The following LRP1B variants were observed in gnomAD, a reference collection of about 807,000 sequenced individuals.
The protein encoded by LRP1B is low-density lipoprotein receptor-related protein 1B.
In LRP1B, 217 loss-of-function variants were observed where a neutral mutation model predicts 556.6. The ratio of observed to expected loss-of-function variants is 0.39; its 90% CI spans 0.35 to 0.44. The LOEUF (loss-of-function observed/expected upper bound fraction) is 0.44. Among genes scored for constraint, LRP1B ranks in the 20% least tolerant of loss-of-function variants. The pLI is 1.00. For missense variants in LRP1B, 5,053 were observed against 5,620.8 expected (o/e 0.90, Z 3.23); for synonymous variants, 2,047 against 1,865.8 (o/e 1.10, Z -2.50).
chr2:141,525,476 G>A (rs1313829002), intron 2 of LRP1B, among the ~76,000 whole-genome samples: 8 of 151,906 alleles, frequency 5.3e-5, no homozygotes, highest in Non-Finnish European at 2.9e-5. Context: ...ATTACCAACA[G>A]AAAGCAACTT....
At chr2:140,927,872 A>G (rs1336415160) in intron 20 of LRP1B, among the ~76,000 whole-genome samples, 3 of 150,338 alleles carry the variant, frequency 2.0e-5, no homozygotes, top group Non-Finnish European at 4.4e-5. Flanking sequence ...ATGCCCGGCT[A>G]TTCATTTATT....
At chr2:140,699,380 T>G (rs1478573552) in intron 41 of LRP1B, among the ~76,000 whole-genome samples, 5 of 152,140 alleles carry the variant, frequency 3.3e-5, no homozygotes, top group African/African-American at 9.6e-5. Flanking sequence ...CTTAAAATTC[T>G]AGGGCATGTC....
chr2:140,252,085 AAAAACCCAAAAAAC>A (rs1681455476), intron 86 of LRP1B, among the ~76,000 whole-genome samples: 1 of 140,024 alleles, frequency 7.1e-6, no homozygotes, highest in South Asian at 2.2e-4. Context: ...AAAAAAAAAA[AAAAACCCAAAAAAC>A]AAAAAAAAAC....
intron 2 of LRP1B, among the ~76,000 whole-genome samples, chr2:141,798,621 C>A (rs977598106): frequency 9.4e-5 from 13 of 138,956 alleles, no homozygotes; most frequent in African/African-American, 3.0e-4. Context: ...GCAGGAGGAT[C>A]ACTTGAACAC....
intron 2 of LRP1B, among the ~76,000 whole-genome samples, chr2:141,708,303 T>C (rs16846918): frequency 0.11 from 16,752 of 151,860 alleles, 1,560 homozygotes; most frequent in African/African-American, 0.24. Flanking sequence ...ATCAAAGGGG[T>C]GATAGAACAA....
chr2:140,285,878 T>C (rs1051328428), intron 84 of LRP1B, among the ~76,000 whole-genome samples: 1 of 151,744 alleles, frequency 6.6e-6, no homozygotes, highest in South Asian at 2.1e-4. Flanking sequence ...TACATGAAGA[T>C]AGTGCAGTGA....
At chr2:141,899,087 A>T (rs1220187083) in intron 1 of LRP1B, among the ~76,000 whole-genome samples, 2 of 152,138 alleles carry the variant, frequency 1.3e-5, no homozygotes, top group African/African-American at 4.8e-5. Context: ...CCTTCTCAAC[A>T]ATATTGATGC....
At chr2:141,762,308 G>A (rs141103332) in intron 2 of LRP1B, among the ~76,000 whole-genome samples, 7 of 151,956 alleles carry the variant, frequency 4.6e-5, no homozygotes, top group South Asian at 4.2e-4. Context: ...ATGATGCCAC[G>A]GGAGAAGATG....
chr2:141,044,006 C>T (rs1218362463), intron 11 of LRP1B, among the ~76,000 whole-genome samples: 2 of 151,960 alleles, frequency 1.3e-5, no homozygotes, highest in Non-Finnish European at 2.9e-5. Context: ...ATCACACTAC[C>T]TGACTTCAAA....
Position 141,250,904 on chromosome 2 carries a change from C to T in LRP1B, c.464-3550G>A, listed in dbSNP as rs190060902. ...AACTGGCATGTTAAAAAATCCCCAG[C>T]GGAGGGGTAACATAAGGGTTTCAAT... On this transcript the variant is annotated intron_variant, in intron 4 of 90. Coordinates refer to ENST00000389484, the MANE Select transcript of LRP1B (RefSeq NM_018557.3). Among the ~76,000 whole-genome samples, 202 of 152,176 alleles carry T rather than the reference C, an allele frequency of 1.3e-3. 1 individual carries two copies. The highest frequency in any genetic ancestry group is 2.9e-3 in the Admixed American group (44 of 15,276).
At chr2:140,391,559 G>GT (rs1363950014) in intron 66 of LRP1B, among the ~76,000 whole-genome samples, 1 of 152,094 alleles carries the variant, frequency 6.6e-6, no homozygotes, top group African/African-American at 2.4e-5. Flanking sequence ...ATTGCAAGGA[G>GT]TTTTTAAAAA....
intron 2 of LRP1B, among the ~76,000 whole-genome samples, chr2:141,742,333 C>T (rs961250175): frequency 1.1e-4 from 17 of 151,034 alleles, no homozygotes; most frequent in African/African-American, 2.4e-4. Context: ...CTCACTGACA[C>T]GGCCGCCTCC....
intron 2 of LRP1B, among the ~76,000 whole-genome samples, chr2:141,537,010 A>G (rs1463881852): frequency 1.3e-5 from 2 of 151,176 alleles, no homozygotes; most frequent in Non-Finnish European, 3.0e-5. Context: ...AAAGAATAGG[A>G]AAAAGGAAAA....
At chr2:140,853,034 T>A (rs1559157207) in intron 27 of LRP1B, among the ~76,000 whole-genome samples, 1 of 152,070 alleles carries the variant, frequency 6.6e-6, no homozygotes. Context: ...TTGCTCAAAG[T>A]AGTGATAGGG....
chr2:140,862,131 C>G (rs1478782935), intron 27 of LRP1B, among the ~76,000 whole-genome samples: 1 of 152,142 alleles, frequency 6.6e-6, no homozygotes, highest in Non-Finnish European at 1.5e-5. Context: ...CTTAAATATT[C>G]AACTGTATCC....
chr2:140,879,530 C>T lies in LRP1B; in HGVS notation c.4169+4287G>A, dbSNP rs1040413151. 1.0e-3 allele frequency among the ~76,000 whole-genome samples: 157 copies of T among 152,124 alleles called. 1 individual carries two copies. Among genetic ancestry groups the T allele is most frequent in the African/African-American group, 3.6e-3 (148 of 41,534 alleles). ...TAGTCACCCTAGAAGTGTTCTTAAC[C>T]TTGCCATAACATAGTTCAAAACAAT... On this transcript the variant is annotated intron_variant, in intron 25 of 90. Coordinates refer to ENST00000389484, the MANE Select transcript of LRP1B (RefSeq NM_018557.3).
At chr2:140,321,196 G>A (rs1186274599) in intron 82 of LRP1B, among the ~76,000 whole-genome samples, 1 of 151,968 alleles carries the variant, frequency 6.6e-6, no homozygotes, top group Non-Finnish European at 1.5e-5. Context: ...GGATATTCAA[G>A]AGACATATTT....
intron 37 of LRP1B, among the ~76,000 whole-genome samples, chr2:140,713,196 C>T (rs1007873365): frequency 1.3e-5 from 2 of 152,054 alleles, no homozygotes; most frequent in Non-Finnish European, 2.9e-5. Context: ...CCCATAACTT[C>T]CCAGCCAATT....
intron 7 of LRP1B, among the ~76,000 whole-genome samples, chr2:141,063,173 C>A (rs1222936022): frequency 6.6e-6 from 1 of 151,792 alleles, no homozygotes; most frequent in Non-Finnish European, 1.5e-5. Flanking sequence ...TAAATACAAT[C>A]TCAAGAATAA....
Sources: gnomAD v4.1 joint callset for allele counts (sites outside exome capture counted in the v4.1 genomes callset) on GRCh38, gnomAD v4.1.1 for gene constraint, MANE v1.5 for transcripts, NCBI Gene and HGNC (gene_info 2026-07-23, HGNC 2026-07-21) for gene names.